The following NCS1 variants were observed in gnomAD, a reference collection of about 807,000 sequenced individuals.
NCS1 encodes the protein frequenin homolog.
Under a neutral mutation model 28.4 loss-of-function variants are expected in NCS1, and 6 were observed. The observed-to-expected ratio is 0.21, with a 90% CI of 0.12 to 0.42. The LOEUF is 0.42. NCS1 is among the 10% of genes least tolerant of loss of function. The probability of loss-of-function intolerance (pLI) is 1.00; values close to 1 mark genes in which losing one functional copy is unlikely to be tolerated. For synonymous variants in NCS1, 86 were observed against 99.3 expected, an observed-to-expected ratio of 0.87 and a Z score of 0.79; for missense variants, 131 against 241.4, an observed-to-expected ratio of 0.54 and a Z score of 3.03.
chr9:130,223,249 G>GC (rs1554910880), intron 6 of NCS1, 90 bp downstream of exon 6: 2 of 1,229,412 alleles, frequency 1.6e-6, no homozygotes, highest in Non-Finnish European at 2.4e-6. Context: ...GCCTGGCTTT[G>GC]CTGCCAACCT....
chr9:130,198,836 A>G (rs1554907132), intron 1 of NCS1, among the ~76,000 whole-genome samples: 1 of 152,020 alleles, frequency 6.6e-6, no homozygotes, highest in East Asian at 1.9e-4. Context: ...CGGTACTGTG[A>G]TGGGTCGCCT....
intron 5 of NCS1, 109 bp from the exon 6 acceptor site, chr9:130,222,973 A>C: frequency 1.8e-6 from 1 of 560,444 alleles, no homozygotes; most frequent in Non-Finnish European, 2.9e-6. Flanking sequence ...GGGAAAGAAG[A>C]GGGGGGCGGC....
intron 7 of NCS1, among the ~76,000 whole-genome samples, chr9:130,228,887 C>G (rs1400396151): frequency 6.6e-6 from 1 of 151,972 alleles, no homozygotes; most frequent in African/African-American, 2.4e-5. Flanking sequence ...CTAGGCTGGT[C>G]TCGAACTCCT....
chr9:130,222,644 T>A lies in NCS1; in HGVS notation c.308-6T>A. The A allele has an allele frequency of 6.2e-7, 1 of 1,613,798 alleles. No homozygotes were observed. On this transcript the variant is annotated splice_region_variant and splice_polypyrimidine_tract_variant and intron_variant, in intron 4 of 7. Coordinates refer to ENST00000372398, the MANE Select transcript of NCS1 (RefSeq NM_014286.4). ...AGGATCACTCAGCAGTGCTGCTTGC[T>A]TACAGGGGCCTTCAAGCTCTACGAC...
intron 2 of NCS1, among the ~76,000 whole-genome samples, chr9:130,208,364 T>G (rs1833058356): frequency 6.6e-6 from 1 of 152,010 alleles, no homozygotes; most frequent in South Asian, 2.1e-4. Context: ...ACTGCAACTC[T>G]GCCTCCTGGG....
intron 1 of NCS1, among the ~76,000 whole-genome samples, chr9:130,187,022 CT>C (rs1402687908): frequency 2.6e-5 from 4 of 152,150 alleles, no homozygotes; most frequent in African/African-American, 9.7e-5. Context: ...ATGGCCCCTG[CT>C]TTAGGAGGTA....
At chr9:130,221,409 TATATAGAGAG>T (rs1443451542) in intron 4 of NCS1, among the ~76,000 whole-genome samples, 49 of 46,072 alleles carry the variant, frequency 1.1e-3, no homozygotes, top group African/African-American at 2.9e-3. Context: ...TATATATATA[TATATAGAGAG>T]AGAGAGAGAG....
At chr9:130,217,520 C>G (rs1368280430) in intron 2 of NCS1, among the ~76,000 whole-genome samples, 2 of 152,210 alleles carry the variant, frequency 1.3e-5, no homozygotes, top group East Asian at 3.8e-4. Flanking sequence ...TTTTAGCCCC[C>G]TTGGGTGGAG....
intron 1 of NCS1, among the ~76,000 whole-genome samples, chr9:130,199,098 CTT>C (rs10712829): frequency 0.16 from 23,461 of 145,058 alleles, 2,341 homozygotes; most frequent in South Asian, 0.3. Context: ...CTCTCTTTCT[CTT>C]TTTTTTTTTT....
At chr9:130,189,044 A>T (rs1254791825) in intron 1 of NCS1, among the ~76,000 whole-genome samples, 1 of 152,134 alleles carries the variant, frequency 6.6e-6, no homozygotes, top group Admixed American at 6.5e-5. Flanking sequence ...TATGACAGAT[A>T]GACAGCTGTG....
intron 1 of NCS1, among the ~76,000 whole-genome samples, chr9:130,182,866 G>A (rs1052768049): frequency 1.3e-5 from 2 of 152,184 alleles, no homozygotes; most frequent in African/African-American, 4.8e-5. Flanking sequence ...AGGTGCCTTC[G>A]GAGGTATCTG....
intron 2 of NCS1, among the ~76,000 whole-genome samples, chr9:130,203,136 A>ATATATATATT (rs1471670630): frequency 8.3e-5 from 9 of 108,460 alleles, no homozygotes; most frequent in African/African-American, 2.4e-4. Context: ...ATATATATAT[A>ATATATATATT]TTTTTTTTTT....
At chr9:130,173,238 TGCGGTGACG>T (rs1588104675) in intron 1 of NCS1, among the ~76,000 whole-genome samples, 2 of 151,178 alleles carry the variant, frequency 1.3e-5, no homozygotes, top group African/African-American at 2.4e-5. Context: ...GCGCTCGTCG[TGCGGTGACG>T]GCGGTGAAGG....
intron 6 of NCS1, among the ~76,000 whole-genome samples, chr9:130,223,829 C>T (rs1554910959): frequency 7.9e-5 from 12 of 152,000 alleles, no homozygotes. Context: ...ATCCACAGGC[C>T]CAAGGTTAAG....
chr9:130,180,215 G>A lies in NCS1; in HGVS notation c.64+7488G>A, dbSNP rs984988638. ...CACCTGGCTAATTTTTGTATTTTTA[G>A]TGGAGATGGGGTCTTGCCATTTTGG... On this transcript the variant is annotated intron_variant, in intron 1 of 7. Coordinates refer to ENST00000372398, the MANE Select transcript of NCS1 (RefSeq NM_014286.4). This position sits in a 1 kb window ranked among gnomAD's most constrained non-coding sequence, Gnocchi z 4.5. 2.6e-5 allele frequency among the ~76,000 whole-genome samples: 4 copies of A among 152,088 alleles called. No individual in the cohort carries two copies. The highest frequency in any genetic ancestry group is 9.7e-5 in the African/African-American group (4 of 41,394).
intron 1 of NCS1, among the ~76,000 whole-genome samples, chr9:130,190,266 C>G (rs1269356569): frequency 1.3e-5 from 2 of 152,062 alleles, no homozygotes; most frequent in Non-Finnish European, 2.9e-5. Context: ...TAGATCCTGC[C>G]CCATGGAGCA....
chr9:130,230,077 G>A (rs782581520), intron 7 of NCS1, among the ~76,000 whole-genome samples: 52 of 152,222 alleles, frequency 3.4e-4, no homozygotes, highest in African/African-American at 9.7e-4. Context: ...TGGGCCAGGC[G>A]CACTGGCTCA....
Position 130,181,521 on chromosome 9 carries a change from T to C in NCS1, c.64+8794T>C, listed in dbSNP as rs1832654503. ...AGGAGCCCTGTGGGGGTCCCCTTTT[T>C]ACAGATGAGGAAATGGAGGCTCAGA... On this transcript the variant is annotated intron_variant, in intron 1 of 7. Transcript: ENST00000372398. This position sits in a 1 kb window ranked among gnomAD's most constrained non-coding sequence, Gnocchi z 5.0. Among the ~76,000 whole-genome samples the C allele has an allele frequency of 6.6e-6, 1 of 152,082 alleles. No homozygotes were observed. Among genetic ancestry groups the C allele is most frequent in the Admixed American group, 6.5e-5 (1 of 15,280 alleles).
At chr9:130,189,267 T>A (rs1672820126) in intron 1 of NCS1, among the ~76,000 whole-genome samples, 1 of 152,216 alleles carries the variant, frequency 6.6e-6, no homozygotes, top group African/African-American at 2.4e-5. Flanking sequence ...CCGCCACTAT[T>A]CCCATTTTAC....
Sources: allele counts gnomAD v4.1 joint callset (sites outside exome capture counted in the v4.1 genomes callset), GRCh38; gene constraint gnomAD v4.1.1; non-coding constraint Gnocchi (gnomAD v3.1); transcripts MANE v1.5; gene names NCBI Gene and HGNC (gene_info 2026-07-23, HGNC 2026-07-21).